The following COL22A1 variants were observed in gnomAD, a reference collection of about 807,000 sequenced individuals.
COL22A1 encodes collagen type XXII alpha 1 chain, also known as collagen alpha-1(XXII) chain.
A neutral mutation model predicts 248.9 loss-of-function variants in COL22A1; 221 were observed. The ratio of observed to expected loss-of-function variants is 0.89; its 90% CI spans 0.80 to 0.99. The LOEUF is 0.99. COL22A1 is among the 50% of genes least tolerant of loss of function. The probability of loss-of-function intolerance (pLI) is 0.00; values close to 1 mark genes in which losing one functional copy is unlikely to be tolerated. For missense variants in COL22A1, 2,240 were observed against 2,179.0 expected, an observed-to-expected ratio of 1.03 and a Z score of -0.56; for synonymous variants, 891 against 793.4, an observed-to-expected ratio of 1.12 and a Z score of -2.07.
chr8:138,680,303 CCCTGTAGGGGTTAAACACT>C (rs1238745802), intron 39 of COL22A1, among the ~76,000 whole-genome samples: 1 of 152,098 alleles, frequency 6.6e-6, no homozygotes, highest in African/African-American at 2.4e-5. Context: ...TCCTGAGGAG[CCCTGTAGGGGTTAAACACT>C]CTTTACTCCT....
chr8:138,830,760 T>C (rs892708795), intron 5 of COL22A1, among the ~76,000 whole-genome samples: 11 of 152,208 alleles, frequency 7.2e-5, no homozygotes, highest in African/African-American at 2.7e-4. Context: ...CCTTCTCTTT[T>C]GCATTTTTTT....
intron 1 of COL22A1, among the ~76,000 whole-genome samples, chr8:138,892,494 G>C (rs939099298): frequency 7.9e-5 from 12 of 152,158 alleles, no homozygotes; most frequent in Non-Finnish European, 1.2e-4. Flanking sequence ...CCCATCTCAG[G>C]TTGCAGCCCC....
In COL22A1 at chr8:138,731,334, C is replaced by G. The variant is rs545689595; in HGVS notation, c.2140-5894G>C. Reference sequence around the variant, plus strand: ...ATAAATAAAGACACATTTCTAGTGTCCTTAGCAGCCAATGGTAGGAGGAAA... The same window carrying G: ...ATAAATAAAGACACATTTCTAGTGTGCTTAGCAGCCAATGGTAGGAGGAAA... On this transcript the variant is annotated intron_variant, in intron 23 of 64. Coordinates refer to ENST00000303045, the MANE Select transcript of COL22A1 (RefSeq NM_152888.3). 1.7e-3 allele frequency among the ~76,000 whole-genome samples: 257 copies of G among 152,144 alleles called. 2 individuals are homozygous for G. Among genetic ancestry groups the G allele is most frequent in the African/African-American group, 4.8e-3 (200 of 41,514 alleles).
At chr8:138,882,711 C>A (rs549931673) in intron 2 of COL22A1, among the ~76,000 whole-genome samples, 1 of 151,728 alleles carries the variant, frequency 6.6e-6, no homozygotes, top group African/African-American at 2.4e-5. Flanking sequence ...CAAACACACA[C>A]TCCCTCACAC....
chr8:138,779,650 C>T (rs1460667548), intron 13 of COL22A1, 88 bp from the exon 14 acceptor site: 1 of 868,352 alleles, frequency 1.2e-6, no homozygotes, highest in East Asian at 2.4e-5. Flanking sequence ...AGGGCCTCTG[C>T]TTCCTGCAGC....
At chr8:138,695,172 A>G (rs548682577) in intron 32 of COL22A1, among the ~76,000 whole-genome samples, 2 of 152,170 alleles carry the variant, frequency 1.3e-5, no homozygotes, top group South Asian at 4.2e-4. Flanking sequence ...TCTCCTCCTG[A>G]GCCCTGTTAT....
chr8:138,703,380 A>T (rs764929795), intron 30 of COL22A1, 33 bp from the exon 31 acceptor site: 1 of 1,598,060 alleles, frequency 6.3e-7, no homozygotes, highest in South Asian at 1.1e-5. Context: ...CATGACCATT[A>T]ATCTTCCTCC....
chr8:138,597,405 C>T (rs756229179), intron 61 of COL22A1, among the ~76,000 whole-genome samples: 4 of 152,182 alleles, frequency 2.6e-5, no homozygotes, highest in Non-Finnish European at 5.9e-5. Flanking sequence ...TGGATTTCCC[C>T]TGCCTGGCTA....
chr8:138,629,135 A>G (rs1011454749), intron 50 of COL22A1, among the ~76,000 whole-genome samples: 1 of 150,736 alleles, frequency 6.6e-6, no homozygotes, highest in Non-Finnish European at 1.5e-5. Context: ...TATTCTCTTC[A>G]GGCAAACAAT....
At chr8:138,829,683 GC>G (rs936118161) in intron 5 of COL22A1, among the ~76,000 whole-genome samples, 2 of 151,986 alleles carry the variant, frequency 1.3e-5, no homozygotes, top group Non-Finnish European at 2.9e-5. Context: ...CAAGTAATCT[GC>G]CTGCCTTGGC....
chr8:138,805,016 GGT>G (rs1404115830), intron 10 of COL22A1, among the ~76,000 whole-genome samples: 3 of 134,574 alleles, frequency 2.2e-5, no homozygotes, highest in African/African-American at 8.8e-5. Context: ...GGTGTGTGGT[GGT>G]GTGTGTGTGA....
In COL22A1 at chr8:138,702,106, A is replaced by C. The variant is rs1332346563; in HGVS notation, c.2559+1200T>G. Among the ~76,000 whole-genome samples, 4 of 152,202 alleles carry C rather than the reference A, an allele frequency of 2.6e-5. No individual in the cohort carries two copies. The East Asian group carries it at 7.7e-4, about 29-fold the overall frequency. On this transcript the variant is annotated intron_variant, in intron 31 of 64. Coordinates refer to ENST00000303045, the MANE Select transcript of COL22A1 (RefSeq NM_152888.3). ...TGCAGGATAAATGCCTAGACATGGA[A>C]TATCTAAGCTTAGGGGTAGGCACTT...
At chr8:138,767,710 C>G (rs984054420) in intron 16 of COL22A1, among the ~76,000 whole-genome samples, 2 of 152,196 alleles carry the variant, frequency 1.3e-5, no homozygotes, top group African/African-American at 2.4e-5. Flanking sequence ...GTGCACCGCC[C>G]GGTCTCCATC....
intron 48 of COL22A1, among the ~76,000 whole-genome samples, chr8:138,636,290 A>T (rs768650242): frequency 2.0e-4 from 30 of 151,828 alleles, no homozygotes; most frequent in Admixed American, 1.2e-3. Flanking sequence ...GTGGTCCAGC[A>T]GGCCTGGATG....
chr8:138,623,916 T>C, intron 51 of COL22A1, 131 bp from the exon 52 acceptor site: 1 of 693,784 alleles, frequency 1.4e-6, no homozygotes, highest in Non-Finnish European at 2.5e-6. Context: ...TAAGGCAGTG[T>C]CTCAACGGAC....
intron 39 of COL22A1, among the ~76,000 whole-genome samples, chr8:138,683,098 C>G (rs1191643402): frequency 6.6e-6 from 1 of 152,192 alleles, no homozygotes; most frequent in Non-Finnish European, 1.5e-5. Flanking sequence ...CCCACATGTG[C>G]CCTGAGCTAC....
At chr8:138,692,914 GTC>G (rs1827202925) in intron 35 of COL22A1, among the ~76,000 whole-genome samples, 1 of 152,132 alleles carries the variant, frequency 6.6e-6, no homozygotes, top group Non-Finnish European at 1.5e-5. Context: ...TGGTGGCCTG[GTC>G]ATATCAGCAC....
intron 41 of COL22A1, among the ~76,000 whole-genome samples, chr8:138,672,482 G>A (rs541325689): frequency 5.3e-5 from 8 of 152,278 alleles, no homozygotes; most frequent in African/African-American, 9.6e-5. Flanking sequence ...TGCACATAAC[G>A]GGGCCATGCT....
chr8:138,881,698 G>A (rs115063052), intron 2 of COL22A1, among the ~76,000 whole-genome samples: 8,775 of 152,208 alleles, frequency 0.058, 311 homozygotes, highest in African/African-American at 0.082. Flanking sequence ...AAAGAAAAAA[G>A]TATATAGATC....
Sources: allele counts gnomAD v4.1 joint callset (sites outside exome capture counted in the v4.1 genomes callset), GRCh38; gene constraint gnomAD v4.1.1; transcripts MANE v1.5; gene names NCBI Gene and HGNC (gene_info 2026-07-23, HGNC 2026-07-21).